MKLN1: variants seen among roughly 807,000 people sequenced by gnomAD.
MKLN1 encodes the protein muskelin.
MKLN1 carries 18 observed loss-of-function variants against 99.0 expected under a neutral mutation model. The observed-to-expected ratio is 0.18, with a 90% CI of 0.13 to 0.27. MKLN1 has a LOEUF of 0.27. Among genes scored for constraint, MKLN1 ranks in the 10% least tolerant of loss-of-function variants. The pLI, the probability that MKLN1 is intolerant of heterozygous loss-of-function variation, is 1.00. For missense variants in MKLN1, 621 were observed against 875.9 expected (o/e 0.71, Z 3.67); for synonymous variants, 288 against 293.2 (o/e 0.98, Z 0.18).
chr7:131,231,686 A>C (rs1048083806), intron 3 of MKLN1, among the ~76,000 whole-genome samples: 1 of 152,168 alleles, frequency 6.6e-6, no homozygotes, highest in Non-Finnish European at 1.5e-5. Flanking sequence ...GGGTGGCTAG[A>C]TGTTTATATG....
At chr7:131,325,626 G>A (rs1445859729), upstream of MKLN1, among the ~76,000 whole-genome samples, 1 of 151,988 alleles carries the variant, frequency 6.6e-6, no homozygotes, top group East Asian at 1.9e-4. Context: ...AAACCCAGGA[G>A]GTCAAGGCTG....
intron 8 of MKLN1, among the ~76,000 whole-genome samples, chr7:131,418,615 A>T (rs1795097805): frequency 1.3e-5 from 2 of 152,238 alleles, no homozygotes; most frequent in Admixed American, 6.5e-5. Flanking sequence ...AGGTTGGACA[A>T]GCTTGAGATA....
intron 3 of MKLN1, among the ~76,000 whole-genome samples, chr7:131,248,445 C>A (rs547904298): frequency 1.1e-3 from 163 of 152,204 alleles, no homozygotes; most frequent in African/African-American, 3.7e-3. Flanking sequence ...ATAGATGCAA[C>A]AACAAAAAAG....
chr7:131,188,196 G>A (rs1033760562), intron 2 of MKLN1, among the ~76,000 whole-genome samples: 2 of 152,146 alleles, frequency 1.3e-5, no homozygotes, highest in East Asian at 3.8e-4. Context: ...TAGTTTCTAC[G>A]ATTGGCTTTT....
intron 2 of MKLN1, among the ~76,000 whole-genome samples, chr7:131,192,452 TAAATATATA>T (rs1161137372): frequency 2.2e-5 from 3 of 134,842 alleles, no homozygotes; most frequent in Non-Finnish European, 3.1e-5. Context: ...ATACAATATA[TAAATATATA>T]AAATATATAA....
intron 1 of MKLN1, among the ~76,000 whole-genome samples, chr7:131,125,961 A>G (rs948643987): frequency 2.2e-4 from 33 of 150,790 alleles, no homozygotes; most frequent in Non-Finnish European, 3.5e-4. Flanking sequence ...AGCCGAGATC[A>G]CGCCACTGCA....
intron 2 of MKLN1, among the ~76,000 whole-genome samples, chr7:131,145,210 C>A (rs1442786573): frequency 6.6e-6 from 1 of 152,098 alleles, no homozygotes; most frequent in African/African-American, 2.4e-5. Context: ...CCAATCCTGA[C>A]AAAATGTAAT....
chr7:131,161,574 C>T (rs892457520), intron 2 of MKLN1, among the ~76,000 whole-genome samples: 6 of 152,012 alleles, frequency 3.9e-5, no homozygotes, highest in South Asian at 4.1e-4. Flanking sequence ...TTTTTTGAGA[C>T]GGAGTCTCGC....
intron 9 of MKLN1, among the ~76,000 whole-genome samples, chr7:131,437,513 C>A (rs1175340283): frequency 6.6e-6 from 1 of 152,110 alleles, no homozygotes; most frequent in African/African-American, 2.4e-5. Flanking sequence ...AAACAGAGTG[C>A]CATAAGCTGC....
chr7:131,478,749 C>T (rs752886596), intron 17 of MKLN1, 72 bp downstream of exon 17: 21 of 1,511,268 alleles, frequency 1.4e-5, no homozygotes, highest in Admixed American at 8.4e-5. Flanking sequence ...GTTTCTTTTA[C>T]GTGAAACATC....
chr7:131,474,043 G>A (rs1369269138), intron 16 of MKLN1, among the ~76,000 whole-genome samples: 2 of 152,070 alleles, frequency 1.3e-5, no homozygotes, highest in African/African-American at 2.4e-5. Context: ...CCAGCTGATC[G>A]GGAGGTTGAG....
chr7:131,450,121 A>G (rs1164572678), intron 12 of MKLN1, among the ~76,000 whole-genome samples: 1 of 152,132 alleles, frequency 6.6e-6, no homozygotes, highest in Non-Finnish European at 1.5e-5. Context: ...TTGGGCTAAC[A>G]TCACCTATTT....
intron 3 of MKLN1, among the ~76,000 whole-genome samples, chr7:131,205,020 C>A (rs1044611804): frequency 6.6e-6 from 1 of 151,770 alleles, no homozygotes; most frequent in East Asian, 1.9e-4. Context: ...ATTGCTTGAA[C>A]CCAGGAGGCA....
At chr7:131,161,337 A>G (rs1467534248) in intron 2 of MKLN1, among the ~76,000 whole-genome samples, 2 of 152,218 alleles carry the variant, frequency 1.3e-5, no homozygotes, top group Non-Finnish European at 2.9e-5. Flanking sequence ...GCCACGGGTC[A>G]CATGTGGCTA....
intron 3 of MKLN1, among the ~76,000 whole-genome samples, chr7:131,262,867 CT>C (rs1797753781): frequency 6.6e-6 from 1 of 152,068 alleles, no homozygotes; most frequent in African/African-American, 2.4e-5. Context: ...TTTCTTAAGG[CT>C]CTTTATTTAG....
intron 1 of MKLN1, among the ~76,000 whole-genome samples, chr7:131,343,650 G>A (rs1799473101): frequency 6.6e-6 from 1 of 152,060 alleles, no homozygotes; most frequent in Non-Finnish European, 1.5e-5. Flanking sequence ...AATGCATTTA[G>A]GGGATGTACT....
chr7:131,419,228 GTA>G lies in MKLN1; in HGVS notation c.847+4536_847+4537del, dbSNP rs369597167. The stretch of plus-strand genomic sequence containing the variant: ...GGGAAGATTCATTACATATATATAT[GTA>G]TATATATATATATATATTTTTGTTT... On this transcript the variant is annotated intron_variant, in intron 8 of 17. Coordinates refer to ENST00000352689, the MANE Select transcript of MKLN1 (RefSeq NM_013255.5). 1.9e-3 allele frequency among the ~76,000 whole-genome samples: 249 copies of G among 132,674 alleles called. 2 individuals carry two copies. The highest frequency in any genetic ancestry group is 6.8e-3 in the South Asian group (28 of 4,128). 87.0% of individuals were successfully genotyped at this position (132,674 alleles called of 152,430 possible).
chr7:131,271,393 C>T (rs1310659157), intron 3 of MKLN1, among the ~76,000 whole-genome samples: 1 of 147,828 alleles, frequency 6.8e-6, no homozygotes, highest in East Asian at 2.0e-4. Context: ...CCGAGACAGG[C>T]AGATCATGAG....
At chr7:131,237,568 C>T (rs1797342296) in intron 3 of MKLN1, among the ~76,000 whole-genome samples, 1 of 152,052 alleles carries the variant, frequency 6.6e-6, no homozygotes, top group Non-Finnish European at 1.5e-5. Flanking sequence ...ACCTCAGAGA[C>T]AATAAAAATA....
Sources: allele counts gnomAD v4.1 joint callset (sites outside exome capture counted in the v4.1 genomes callset), GRCh38; gene constraint gnomAD v4.1.1; transcripts MANE v1.5; gene names NCBI Gene and HGNC (gene_info 2026-07-23, HGNC 2026-07-21).